Variants in LRRN1 observed in about 807,000 individuals in gnomAD.
The protein encoded by LRRN1 is leucine-rich repeat neuronal protein 1.
LRRN1 carries 14 observed loss-of-function variants against 45.8 expected under a neutral mutation model. That is an observed-to-expected ratio of 0.31 (90% CI 0.20 to 0.48). The LOEUF is 0.48. Among genes scored for constraint, LRRN1 ranks in the 20% least tolerant of loss-of-function variants. The pLI is 0.99. For synonymous variants in LRRN1, 359 were observed against 330.1 expected, an observed-to-expected ratio of 1.09 and a Z score of -0.95; for missense variants, 789 against 874.2, an observed-to-expected ratio of 0.90 and a Z score of 1.23.
At chr3:3,801,039 C>T (rs1322047478) in intron 1 of LRRN1, 2 of 152,270 alleles carry the variant, frequency 1.3e-5, no homozygotes, top group Non-Finnish European at 2.9e-5. Context: ...GGGACGGTTC[C>T]AGGGGAGCCC....
chr3:3,808,496 A>G lies in LRRN1; in HGVS notation c.-279+8577A>G, dbSNP rs533603477. ...AATGGGTACACATCTGTTTTAGAGG[A>G]GAGAGTCCTTTATTTGAATTCTCAG... On this transcript the variant is annotated intron_variant, in intron 1 of 1. Coordinates refer to ENST00000319331, the MANE Select transcript of LRRN1 (RefSeq NM_020873.7). Among the ~76,000 whole-genome samples, 41 of 152,328 alleles carry G rather than the reference A, an allele frequency of 2.7e-4. 1 individual carries two copies. In the South Asian group the frequency reaches 8.5e-3, roughly 32 times the overall value.
In LRRN1 at chr3:3,849,195, T is replaced by A. The variant is rs1693839248; in HGVS notation, c.*2403T>A. Among the ~76,000 whole-genome samples, 1 of 152,188 alleles carries A rather than the reference T, an allele frequency of 6.6e-6. No individual in the cohort carries two copies. Among genetic ancestry groups the A allele is most frequent in the Non-Finnish European group, 1.5e-5 (1 of 68,034 alleles). On this transcript the variant is annotated 3_prime_UTR_variant, in exon 2 of 2. Transcript: ENST00000319331. Reference sequence around the variant, plus strand: ...AGCAAACATTTGAACTTACACAGAATGAGCACTTAAATACGGGTGCAATAA... The same window carrying A: ...AGCAAACATTTGAACTTACACAGAAAGAGCACTTAAATACGGGTGCAATAA...
chr3:3,831,489 C>G (rs556408963), intron 1 of LRRN1, among the ~76,000 whole-genome samples: 1 of 152,048 alleles, frequency 6.6e-6, no homozygotes, highest in Non-Finnish European at 1.5e-5. Flanking sequence ...TGATATTTTG[C>G]GGAAGCAAAA....
At position 3,816,353 on chromosome 3, in the gene LRRN1, A is replaced by G. The variant is rs540570898; in HGVS notation, c.-279+16434A>G. 9.2e-5 allele frequency among the ~76,000 whole-genome samples: 14 copies of G among 152,274 alleles called. No individual in the cohort carries two copies. The highest frequency in any genetic ancestry group is 1.3e-4 in the Non-Finnish European group (9 of 68,018). On this transcript the variant is annotated intron_variant, in intron 1 of 1. Coordinates refer to ENST00000319331, the MANE Select transcript of LRRN1 (RefSeq NM_020873.7). This position sits in a 1 kb window ranked among gnomAD's most constrained non-coding sequence, Gnocchi z 4.0. Reference sequence around the variant, plus strand: ...AGGGGAACACATTGGCATCAAGGAAAATCTACAATAAGAAACTCTTTCAAA... The same window carrying G: ...AGGGGAACACATTGGCATCAAGGAAGATCTACAATAAGAAACTCTTTCAAA...
At chr3:3,807,302 A>G (rs1168352176) in intron 1 of LRRN1, among the ~76,000 whole-genome samples, 1 of 152,224 alleles carries the variant, frequency 6.6e-6, no homozygotes, top group African/African-American at 2.4e-5. Flanking sequence ...AACCCAGAAC[A>G]TGTGGGAAGA....
At chr3:3,814,508 C>T (rs1296739349) in intron 1 of LRRN1, among the ~76,000 whole-genome samples, 2 of 151,940 alleles carry the variant, frequency 1.3e-5, no homozygotes, top group East Asian at 3.9e-4. Context: ...CTCGCCCATC[C>T]CTTATGCTAT....
intron 1 of LRRN1, chr3:3,822,748 T>C (rs140334202): frequency 5.9e-5 from 9 of 152,266 alleles, no homozygotes; most frequent in Admixed American, 5.9e-4. Flanking sequence ...AAAAATGACA[T>C]GGCCTTTGAA....
chr3:3,838,875 T>G (rs1693583880), intron 1 of LRRN1, among the ~76,000 whole-genome samples: 1 of 152,152 alleles, frequency 6.6e-6, no homozygotes, highest in African/African-American at 2.4e-5. Context: ...GGTTATTTTG[T>G]TGTAGGAGTT....
chr3:3,805,474 G>A (rs951259894), intron 1 of LRRN1, among the ~76,000 whole-genome samples: 3 of 152,220 alleles, frequency 2.0e-5, no homozygotes, highest in African/African-American at 7.2e-5. Flanking sequence ...CTCAATGTCT[G>A]ACCTTCTGGA....
chr3:3,835,566 CAACCCCAG>C (rs1243691176), intron 1 of LRRN1, among the ~76,000 whole-genome samples: 1 of 149,400 alleles, frequency 6.7e-6, no homozygotes, highest in African/African-American at 2.5e-5. Context: ...ATTCTTTCTC[CAACCCCAG>C]AGCTGCCTGA....
At chr3:3,832,615 C>T (rs777811265) in intron 1 of LRRN1, among the ~76,000 whole-genome samples, 5 of 152,116 alleles carry the variant, frequency 3.3e-5, no homozygotes, top group Non-Finnish European at 5.9e-5. Flanking sequence ...CTGGAGGTCT[C>T]CTAGGGGAAG....
chr3:3,806,536 T>C (rs1458876045), intron 1 of LRRN1, among the ~76,000 whole-genome samples: 3 of 152,182 alleles, frequency 2.0e-5, no homozygotes, highest in Non-Finnish European at 2.9e-5. Flanking sequence ...ATGGAGTTAA[T>C]TCCTTGTAGG....
chr3:3,832,297 C>A (rs1693389986), intron 1 of LRRN1, among the ~76,000 whole-genome samples: 1 of 152,192 alleles, frequency 6.6e-6, no homozygotes, highest in Admixed American at 6.5e-5. Flanking sequence ...TTTGGCCTTT[C>A]TCACCATAAT....
At chr3:3,801,752 A>C (rs17037086) in intron 1 of LRRN1, among the ~76,000 whole-genome samples, 19,245 of 152,236 alleles carry the variant, frequency 0.13, 1,652 homozygotes, top group East Asian at 0.36. Flanking sequence ...TGAAAGCTCA[A>C]AGTGCTGCTT....
rs139493015 is a variant in LRRN1, at chr3:3,808,808, A to G, written c.-279+8889A>G. 8.4e-4 allele frequency among the ~76,000 whole-genome samples: 127 copies of G among 151,602 alleles called. 1 individual carries two copies. The highest frequency in any genetic ancestry group is 3.0e-3 in the African/African-American group (125 of 41,420). ...TAAATCACTTTTTTTTTATTTTACT[A>G]CTTTTAATTTTGAAATCTAGTTTGG... is the stretch of plus-strand genomic sequence containing the variant. On this transcript the variant is annotated intron_variant, in intron 1 of 1. Transcript: ENST00000319331.
intron 1 of LRRN1, among the ~76,000 whole-genome samples, chr3:3,824,169 G>A (rs1401540829): frequency 6.6e-6 from 1 of 152,172 alleles, no homozygotes; most frequent in African/African-American, 2.4e-5. Flanking sequence ...TCATTGTAAA[G>A]AATAGAGATG....
At position 3,846,446 on chromosome 3, in the gene LRRN1, A is replaced by G. The variant is rs980040342; in HGVS notation, c.1805A>G (p.His602Arg). Residue 602 changes from histidine (H) to arginine (R), a missense_variant, in exon 2 of 2, where the codon CAT (histidine) becomes CGT (arginine). Transcript: ENST00000319331. The surrounding 1 kb of genome is among the most constrained non-coding windows in gnomAD (Gnocchi z 5.7). ...YEVCLTVSNI[H>R]QQTQKSCVNV... ...GTGTGTCTCACAGTGTCCAATATTC[A>G]TCAGCAGACTCAAAAGTCATGCGTA... is the stretch of plus-strand genomic sequence containing the variant. 4 of 1,614,046 alleles carry G rather than the reference A, an allele frequency of 2.5e-6. No individual in the cohort carries two copies. In the Admixed American group the frequency reaches 5.0e-5, roughly 20 times the overall value.
intron 1 of LRRN1, among the ~76,000 whole-genome samples, chr3:3,822,553 C>A (rs1316350934): frequency 1.3e-5 from 2 of 152,034 alleles, no homozygotes; most frequent in Non-Finnish European, 2.9e-5. Flanking sequence ...CACTTCTTTC[C>A]AGACAATTAA....
intron 1 of LRRN1, among the ~76,000 whole-genome samples, chr3:3,808,626 TG>T (rs1173288830): frequency 1.3e-5 from 2 of 152,178 alleles, no homozygotes; most frequent in Admixed American, 1.3e-4. Context: ...GGGTTGAACT[TG>T]GGTCTGTCTG....
Sources: allele counts gnomAD v4.1 joint callset (sites outside exome capture counted in the v4.1 genomes callset), GRCh38; gene constraint gnomAD v4.1.1; non-coding constraint Gnocchi (gnomAD v3.1); transcripts MANE v1.5; gene names NCBI Gene and HGNC (gene_info 2026-07-23, HGNC 2026-07-21).